CHTF18: variants seen among roughly 807,000 people sequenced by gnomAD.
The protein encoded by CHTF18 is chromosome transmission fidelity factor 18.
In CHTF18, 151 loss-of-function variants were observed where a neutral mutation model predicts 113.4. That is an observed-to-expected ratio of 1.33 (90% confidence interval 1.17 to 1.52). The LOEUF (loss-of-function observed/expected upper bound fraction) is 1.52. Among genes scored for constraint, CHTF18 ranks in the 40% most tolerant of loss-of-function variants. The pLI, the probability that CHTF18 is intolerant of heterozygous loss-of-function variation, is 0.00. For synonymous variants in CHTF18, 916 were observed against 598.8 expected, an observed-to-expected ratio of 1.53 and a Z score of -7.74; for missense variants, 1,982 against 1,381.6, an observed-to-expected ratio of 1.43 and a Z score of -6.89.
Position 792,735 on chromosome 16 carries a change from G to A in CHTF18, c.1496G>A (p.Arg499Gln). 3 of 1,556,458 alleles carry A rather than the reference G, an allele frequency of 1.9e-6. No individual in the cohort carries two copies. Among genetic ancestry groups the A allele is most frequent in the South Asian group, 1.2e-5 (1 of 85,552 alleles). ...CTCCTCAGGTTCGCACCGTCCCTGC[G>A]GCAGCTGAAGCAGCAGGCCTTCCTG... Reference protein sequence around the residue: ...ICNDQFAPSLRQLKQQAFLLH... With the variant: ...ICNDQFAPSLQQLKQQAFLLH... Residue 499 changes from arginine (R) to glutamine (Q), a missense_variant, in exon 12 of 22, where the codon CGG (arginine) becomes CAG (glutamine). Transcript: ENST00000262315.
chr16:790,878 T>C, intron 7 of CHTF18: 3 of 1,431,818 alleles, frequency 2.1e-6, no homozygotes, highest in Non-Finnish European at 2.7e-6. Flanking sequence ...GGGTCCAGGG[T>C]GTCACCTGAT....
rs1007864875 is a variant in CHTF18 at position 792,232 on chromosome 16, G to A, written c.1211G>A (p.Arg404His). 7 of 1,569,942 alleles carry A rather than the reference G, an allele frequency of 4.5e-6. No individual in the cohort carries two copies. The highest frequency in any genetic ancestry group is 1.7e-4 in the Middle Eastern group (1 of 6,012). ...TGACCTCCCCATTGCAGTGACGACC[G>A]TAGCCCGGAGGTCTTCCGCACACGC... Reference protein sequence around the residue: ...SVVEMNASDDRSPEVFRTRIE... With the variant: ...SVVEMNASDDHSPEVFRTRIE... Residue 404 changes from arginine (R) to histidine (H), a missense_variant, in exon 10 of 22, where the codon CGT (arginine) becomes CAT (histidine). Arg to His is a conservative substitution (Grantham distance 29, BLOSUM62 0). Coordinates refer to ENST00000262315, the MANE Select transcript of CHTF18 (RefSeq NM_022092.3).
In CHTF18 at chr16:796,714, C is replaced by T. The variant is rs376204827; in HGVS notation, c.2457-3C>T. On this transcript the variant is annotated splice_polypyrimidine_tract_variant and splice_region_variant and intron_variant, in intron 18 of 21. Coordinates refer to ENST00000262315, the MANE Select transcript of CHTF18 (RefSeq NM_022092.3). The stretch of plus-strand genomic sequence containing the variant: ...TGCCCTGGTGTCCCCCTGTGCTGAG[C>T]AGGAACGTGGAGGAACTCTGCCGCT... 1.3e-5 allele frequency: 21 copies of T among 1,597,392 alleles called. No homozygotes were observed. Among genetic ancestry groups the T allele is most frequent in the Admixed American group, 1.7e-5 (1 of 59,658 alleles).
chr16:796,655 C>G, intron 18 of CHTF18, 62 bp from the exon 19 acceptor site: 1 of 1,493,044 alleles, frequency 6.7e-7, no homozygotes, highest in South Asian at 1.3e-5. Context: ...GAGTGCCCGG[C>G]GGCTCTCTGG....
At chr16:792,943 C>T (rs1424999641) in intron 12 of CHTF18, 23 bp from the exon 13 acceptor site, 11 of 1,548,586 alleles carry the variant, frequency 7.1e-6, no homozygotes, top group Admixed American at 2.0e-5. Context: ...CCATCGGGCC[C>T]TCCAGCAGCC....
chr16:789,618 G>A lies in CHTF18; in HGVS notation c.509G>A (p.Arg170Gln), dbSNP rs754671168. The A allele has an allele frequency of 9.9e-6, 16 of 1,608,782 alleles. No homozygotes were observed. Among genetic ancestry groups the A allele is most frequent in the Admixed American group, 3.3e-5 (2 of 59,988 alleles). ...SPAARNPVLR[R>Q]PPILEDYVHV... The stretch of plus-strand genomic sequence containing the variant: ...GCTGCCCGCAATCCCGTCCTGAGGC[G>A]GCCCCCCATCTTGGAGGACTACGTC... Residue 170 changes from arginine (R) to glutamine (Q), a missense_variant, in exon 4 of 22, where the codon CGG becomes CAG. Transcript: ENST00000262315.
At chr16:795,872 CT>C (rs2042329829) in intron 17 of CHTF18, 38 bp downstream of exon 17, 1 of 1,606,316 alleles carries the variant, frequency 6.2e-7, no homozygotes. Flanking sequence ...TCCCCGCCTG[CT>C]GCCCTCCTGT....
Position 798,020 on chromosome 16 carries a change from G to C in CHTF18, c.*45G>C. 1 of 1,579,522 alleles carries C rather than the reference G, an allele frequency of 6.3e-7. No individual in the cohort carries two copies. The highest frequency in any genetic ancestry group is 1.3e-5 in the African/African-American group (1 of 74,494). On this transcript the variant is annotated 3_prime_UTR_variant, in exon 22 of 22. Transcript: ENST00000262315. ...GCCCTCGCATTGCTTCCCGCAGAGT[G>C]CAGAGACAGGAAGCTGGAGATGTCT... is the stretch of plus-strand genomic sequence containing the variant.
intron 8 of CHTF18, 70 bp downstream of exon 8, chr16:791,440 C>T (rs1596753437): frequency 3.4e-6 from 5 of 1,491,380 alleles, no homozygotes; most frequent in African/African-American, 2.8e-5. Flanking sequence ...ACCCTTGCAG[C>T]CTGTTGACTT....
At chr16:792,013 G>A (rs532276467) in intron 9 of CHTF18, 65 bp downstream of exon 9, 510 of 1,556,464 alleles carry the variant, frequency 3.3e-4, no homozygotes, top group Admixed American at 4.1e-4. Context: ...TCTGGTGGCG[G>A]ACCTGAAACC....
In CHTF18 at chr16:791,927, C is replaced by G. The variant is rs377177966; in HGVS notation, c.1181C>G (p.Ser394Cys). 2 of 1,609,374 alleles carry G rather than the reference C, an allele frequency of 1.2e-6. No homozygotes were observed. Among genetic ancestry groups the G allele is most frequent in the Admixed American group, 1.7e-5 (1 of 59,548 alleles). The change falls in exon 9 of 22, where the codon TCT becomes TGT. Residue 394 changes from serine (S) to cysteine (C), a missense_variant. Physicochemically the swap from Ser to Cys is moderately radical, Grantham distance 112 (BLOSUM62 -1). Transcript: ENST00000262315. ...GTGATTGCGCGTCACGCGGGGTACT[C>G]TGTGGTGGAGATGAACGCCAGGTGA... ...AHVIARHAGYSVVEMNASDDR... is the reference protein window; with the variant it reads ...AHVIARHAGYCVVEMNASDDR...
rs998717052 is a variant in CHTF18 at position 789,992 on chromosome 16, A to G, written c.607-185A>G. ...CCTCCTTTCTCCTAAAGCTGCCCCC[A>G]ATTTCCCTTTGCAGCTGACCCATCT... On this transcript the variant is annotated intron_variant, in intron 4 of 21. Coordinates refer to ENST00000262315, the MANE Select transcript of CHTF18 (RefSeq NM_022092.3). The G allele has an allele frequency of 5.2e-6, 8 of 1,535,048 alleles. No homozygotes were observed. The African/African-American group carries it at 8.2e-5, about 16-fold the overall frequency.
chr16:793,176 C>T lies in CHTF18; in HGVS notation c.1704C>T (p.Ser568=), dbSNP rs546570407. 33 of 1,606,672 alleles carry T rather than the reference C, an allele frequency of 2.1e-5. No individual in the cohort carries two copies. The highest frequency in any genetic ancestry group is 1.9e-4 in the Middle Eastern group (1 of 5,402). Residue 568 remains serine (S), a synonymous_variant, in exon 14 of 22, where the codon AGC becomes AGT. Transcript: ENST00000262315. ...FLYSRGQREL[S]VRDVQATRVG... is the part of the protein sequence containing the mutation. ...ACAGCCGGGGCCAGCGGGAGCTGAG[C>T]GTGCGGGACGTGCAGGCCACACGCG...
At chr16:790,035 T>C (rs1432630446) in intron 4 of CHTF18, 142 bp from the exon 5 acceptor site, 2 of 1,535,884 alleles carry the variant, frequency 1.3e-6, no homozygotes, top group Non-Finnish European at 1.7e-6. Context: ...TTCATTCCTT[T>C]GGCACCCCTG....
intron 11 of CHTF18, 23 bp from the exon 12 acceptor site, chr16:792,695 C>G (rs1417566357): frequency 7.6e-6 from 12 of 1,573,984 alleles, no homozygotes; most frequent in Non-Finnish European, 1.0e-5. Context: ...CCTGGGGTCC[C>G]TGGCCCTGCC....
chr16:792,866 C>A, intron 12 of CHTF18, 55 bp downstream of exon 12: 2 of 1,527,724 alleles, frequency 1.3e-6, no homozygotes, highest in Non-Finnish European at 8.8e-7. Context: ...GGCGTGGCCT[C>A]GTTCTGGCCC....
chr16:796,290 C>G (rs920417980), intron 18 of CHTF18, among the ~76,000 whole-genome samples: 3 of 152,254 alleles, frequency 2.0e-5, no homozygotes, highest in Admixed American at 1.3e-4. Context: ...TGCTGCAGAG[C>G]TGCTCCCAGC....
Position 790,540 on chromosome 16 carries a change from G to A in CHTF18, c.768G>A (p.Glu256=). ...SDTLHSLRSG[E]EEAAQPLGAP... ...TCCTCTCCAGTCTCAGGTCGGGGGA[G>A]GAGGAGGCAGCCCAGCCCTTGGGGG... Residue 256 remains glutamate, a synonymous_variant, in exon 7 of 22, where the codon GAG becomes GAA. Coordinates refer to ENST00000262315, the MANE Select transcript of CHTF18 (RefSeq NM_022092.3). 1.9e-6 allele frequency: 3 copies of A among 1,598,724 alleles called. No individual in the cohort carries two copies. The highest frequency in any genetic ancestry group is 2.6e-6 in the Non-Finnish European group (3 of 1,173,754).
intron 14 of CHTF18, chr16:793,573 T>G (rs2042259795): frequency 1.8e-6 from 1 of 553,290 alleles, no homozygotes; most frequent in Non-Finnish European, 3.3e-6. Flanking sequence ...GCTGTCCCAG[T>G]TGCACCCTCA....
Sources: allele counts gnomAD v4.1 joint callset (sites outside exome capture counted in the v4.1 genomes callset), GRCh38; gene constraint gnomAD v4.1.1; transcripts MANE v1.5; gene names NCBI Gene and HGNC (gene_info 2026-07-23, HGNC 2026-07-21).